RPS6KC1: variants seen among roughly 807,000 people sequenced by gnomAD.
RPS6KC1 encodes inactive ribosomal protein S6 kinase delta-1.
RPS6KC1 carries 54 observed loss-of-function variants against 103.8 expected under a neutral mutation model. The ratio of observed to expected loss-of-function variants is 0.52; its 90% CI spans 0.42 to 0.65. The LOEUF (loss-of-function observed/expected upper bound fraction) is 0.65. RPS6KC1 is among the 30% of genes least tolerant of loss of function. RPS6KC1 has a pLI of 0.00. For synonymous variants in RPS6KC1, 439 were observed against 438.7 expected (o/e 1.00, Z -0.01); for missense variants, 1,151 against 1,253.8 (o/e 0.92, Z 1.24).
the RPS6KC1 span, among the ~76,000 whole-genome samples, chr1:213,812,854 G>A: frequency 6.6e-6 from 1 of 152,148 alleles, no homozygotes; most frequent in Non-Finnish European, 1.5e-5. Flanking sequence ...ACTTAACACA[G>A]CAGTCCCGAA....
chr1:213,066,161 T>G (rs759419906), intron 1 of RPS6KC1, among the ~76,000 whole-genome samples: 1 of 152,190 alleles, frequency 6.6e-6, no homozygotes, highest in Non-Finnish European at 1.5e-5. Context: ...AGCACAGATA[T>G]AGACTGTTAA....
intron 7 of RPS6KC1, among the ~76,000 whole-genome samples, chr1:213,168,933 C>T (rs2091241671): frequency 6.6e-6 from 1 of 152,152 alleles, no homozygotes; most frequent in South Asian, 2.1e-4. Flanking sequence ...TTGTTCATAT[C>T]CAGCTCTGCC....
At chr1:213,730,073 C>A in the RPS6KC1 span, among the ~76,000 whole-genome samples, 2 of 152,158 alleles carry the variant, frequency 1.3e-5, 1 homozygote, top group Non-Finnish European at 2.9e-5. Context: ...TGACCTCCCA[C>A]TCCATCCATG....
In RPS6KC1 at chr1:213,189,448, C is replaced by CA. The variant is rs35941412; in HGVS notation, c.1044+12977dup. Among the ~76,000 whole-genome samples the CA allele has an allele frequency of 9.0e-3, 930 of 103,496 alleles. 14 individuals are homozygous for CA. Among genetic ancestry groups the CA allele is most frequent in the Middle Eastern group, 0.02 (4 of 200 alleles). 67.9% of individuals were successfully genotyped at this position (103,496 alleles called of 152,430 possible). A position where few individuals can be genotyped will look rare whatever the true frequency, so the allele number is the denominator to read the frequency against. On this transcript the variant is annotated intron_variant, in intron 8 of 14. Coordinates refer to ENST00000366960, the MANE Select transcript of RPS6KC1 (RefSeq NM_012424.6). ...TGAGTGACAGAGTGAGCCTTTGTCT[C>CA]AAAAAAAAAAAAAAAAAAAAAGTGT...
At chr1:213,376,958 G>T in the RPS6KC1 span, among the ~76,000 whole-genome samples, 1 of 152,196 alleles carries the variant, frequency 6.6e-6, no homozygotes, top group African/African-American at 2.4e-5. Context: ...GCAAAGGTTG[G>T]CTTCTCAATC....
chr1:213,464,320 G>C, the RPS6KC1 span, among the ~76,000 whole-genome samples: 1,306 of 152,080 alleles, frequency 8.6e-3, 12 homozygotes, highest in Non-Finnish European at 0.014. Context: ...TTGGTTTATT[G>C]TTGTTTATTT....
At chr1:213,404,355 G>A in the RPS6KC1 span, among the ~76,000 whole-genome samples, 2 of 152,186 alleles carry the variant, frequency 1.3e-5, no homozygotes, top group Non-Finnish European at 2.9e-5. Context: ...GGGACCTAGC[G>A]GGGAGCTCCA....
intron 5 of RPS6KC1, among the ~76,000 whole-genome samples, chr1:213,126,692 G>A (rs573385092): frequency 6.6e-6 from 1 of 152,060 alleles, no homozygotes; most frequent in African/African-American, 2.4e-5. Context: ...AAAATTAAAA[G>A]AATATGATTT....
At chr1:213,628,257 C>T in the RPS6KC1 span, among the ~76,000 whole-genome samples, 8 of 152,212 alleles carry the variant, frequency 5.3e-5, no homozygotes, top group East Asian at 1.9e-4. Context: ...TCTGTGGGAT[C>T]GGAGGTGATG....
the RPS6KC1 span, among the ~76,000 whole-genome samples, chr1:213,310,350 G>A: frequency 1.3e-5 from 2 of 152,110 alleles, no homozygotes. Flanking sequence ...GATGTCACCC[G>A]TATCCCATCC....
chr1:213,658,675 C>G, the RPS6KC1 span, among the ~76,000 whole-genome samples: 2 of 152,150 alleles, frequency 1.3e-5, no homozygotes, highest in South Asian at 4.1e-4. Flanking sequence ...TAAAATAAAT[C>G]AAACGTTATT....
the RPS6KC1 span, among the ~76,000 whole-genome samples, chr1:213,861,388 C>T: frequency 0.18 from 27,592 of 152,060 alleles, 4,241 homozygotes; most frequent in African/African-American, 0.41. Context: ...AAGCTGGGTG[C>T]GCACCCAGGC....
At chr1:213,213,771 T>C (rs1357952138) in intron 8 of RPS6KC1, among the ~76,000 whole-genome samples, 1 of 152,234 alleles carries the variant, frequency 6.6e-6, no homozygotes, top group Non-Finnish European at 1.5e-5. Flanking sequence ...TTATTTTCTT[T>C]TTCTAATATT....
chr1:213,233,685 A>C (rs1290879216), intron 10 of RPS6KC1, among the ~76,000 whole-genome samples: 2 of 151,970 alleles, frequency 1.3e-5, no homozygotes, highest in Non-Finnish European at 2.9e-5. Context: ...CTGATGTTTC[A>C]ATTGATTTTA....
the RPS6KC1 span, among the ~76,000 whole-genome samples, chr1:213,675,599 G>C: frequency 6.6e-6 from 1 of 152,108 alleles, no homozygotes; most frequent in Non-Finnish European, 1.5e-5. Flanking sequence ...TGTCTAGGCT[G>C]GGCATGGTGG....
chr1:213,530,353 T>C, the RPS6KC1 span, among the ~76,000 whole-genome samples: 10 of 152,346 alleles, frequency 6.6e-5, no homozygotes, highest in African/African-American at 2.4e-4. Flanking sequence ...GGAAATGCCT[T>C]GGGCATCTCT....
chr1:213,597,932 C>A, the RPS6KC1 span, among the ~76,000 whole-genome samples: 2 of 152,076 alleles, frequency 1.3e-5, no homozygotes, highest in Non-Finnish European at 2.9e-5. Context: ...TCAGAGTGAG[C>A]GGCTCCTGGA....
the RPS6KC1 span, among the ~76,000 whole-genome samples, chr1:213,640,080 G>T: frequency 3.3e-5 from 5 of 151,994 alleles, no homozygotes; most frequent in African/African-American, 1.2e-4. Flanking sequence ...ATAGTTGCAG[G>T]ATTTTTTGGG....
At chr1:213,336,982 G>A in the RPS6KC1 span, among the ~76,000 whole-genome samples, 1 of 152,142 alleles carries the variant, frequency 6.6e-6, no homozygotes, top group African/African-American at 2.4e-5. Context: ...CTCTACATTG[G>A]GAGTTCTTTG....
Sources: gnomAD v4.1 joint callset for allele counts (sites outside exome capture counted in the v4.1 genomes callset) on GRCh38, gnomAD v4.1.1 for gene constraint, MANE v1.5 for transcripts, NCBI Gene and HGNC (gene_info 2026-07-23, HGNC 2026-07-21) for gene names.